The following ATG3 variants were observed in gnomAD, a reference collection of about 807,000 sequenced individuals.
The protein encoded by ATG3 is autophagy related 3.
ATG3 carries 25 observed loss-of-function variants against 50.7 expected under a neutral mutation model. That is an observed-to-expected ratio of 0.49 (90% CI 0.36 to 0.69). ATG3 has a LOEUF of 0.69. Among genes scored for constraint, ATG3 ranks in the 30% least tolerant of loss-of-function variants. The pLI, the probability that ATG3 is intolerant of heterozygous loss-of-function variation, is 0.00. For synonymous variants in ATG3, 119 were observed against 125.5 expected (o/e 0.95, Z 0.34); for missense variants, 281 against 376.0 (o/e 0.75, Z 2.09).
rs780523118 is a variant in ATG3 at position 112,532,667 on chromosome 3, C to T, written c.*32G>A. ...GGGTTAATTCTTTAAAAATCAGAAC[C>T]AATAATTAGGATAGATTTTATGCTC... On this transcript the variant is annotated 3_prime_UTR_variant, in exon 12 of 12. Transcript: ENST00000283290. The T allele has an allele frequency of 1.4e-6, 2 of 1,474,700 alleles. No homozygotes were observed. Among genetic ancestry groups the T allele is most frequent in the South Asian group, 2.6e-5 (2 of 75,976 alleles). 91.4% of individuals were successfully genotyped at this position (1,474,700 alleles called of 1,614,324 possible).
rs538136747 is a variant in ATG3 at position 112,561,014 on chromosome 3, C to G, written c.72+443G>C. ...GTCACAACTTCCCCACTACAGCGGA[C>G]TTTCATGAAACTTAAAGGAAAAGTG... On this transcript the variant is annotated intron_variant, in intron 1 of 11. Coordinates refer to ENST00000283290, the MANE Select transcript of ATG3 (RefSeq NM_022488.5). Among the ~76,000 whole-genome samples, 11 of 152,314 alleles carry G rather than the reference C, an allele frequency of 7.2e-5. No homozygotes were observed. In the South Asian group the frequency reaches 2.1e-3, roughly 29 times the overall value.
Position 112,533,265 on chromosome 3 carries a change from T to C in ATG3, c.864-485A>G. ...CTGAGCTCTACTGGACTGTCTTTAA[T>C]TAAATTCTGAAATTTTTTTATGTTC... On this transcript the variant is annotated intron_variant, in intron 11 of 11. Coordinates refer to ENST00000283290, the MANE Select transcript of ATG3 (RefSeq NM_022488.5). The C allele has an allele frequency of 3.0e-6, 3 of 984,960 alleles. No homozygotes were observed. In the South Asian group the frequency reaches 1.4e-4, roughly 46 times the overall value. 61.0% of individuals were successfully genotyped at this position (984,960 alleles called of 1,614,324 possible).
chr3:112,546,158 A>C (rs768810034), intron 5 of ATG3, among the ~76,000 whole-genome samples: 92 of 151,194 alleles, frequency 6.1e-4, no homozygotes, highest in African/African-American at 1.5e-3. Context: ...AAAAAACAAA[A>C]AACAACAACA....
chr3:112,551,546 A>T (rs1933529574), intron 3 of ATG3, among the ~76,000 whole-genome samples: 1 of 152,182 alleles, frequency 6.6e-6, no homozygotes, highest in Non-Finnish European at 1.5e-5. Flanking sequence ...ATGGAATAAA[A>T]CTACTAGTAC....
chr3:112,548,307 G>A (rs753645833), intron 5 of ATG3, among the ~76,000 whole-genome samples: 56 of 152,198 alleles, frequency 3.7e-4, no homozygotes, highest in Non-Finnish European at 7.4e-4. Flanking sequence ...AGCAAAGATC[G>A]CACTCCAGCC....
At chr3:112,556,870 C>T (rs1361287505) in intron 2 of ATG3, among the ~76,000 whole-genome samples, 3 of 151,876 alleles carry the variant, frequency 2.0e-5, no homozygotes, top group Non-Finnish European at 4.4e-5. Context: ...CCTCAAGTAC[C>T]CAGGGACACA....
intron 2 of ATG3, among the ~76,000 whole-genome samples, chr3:112,554,279 G>C (rs1933605114): frequency 6.6e-6 from 1 of 152,186 alleles, no homozygotes; most frequent in African/African-American, 2.4e-5. Context: ...TGAAGCAACT[G>C]AAGATCCACA....
Position 112,541,876 on chromosome 3 carries a change from T to C in ATG3, c.402A>G (p.Ile134Met), listed in dbSNP as rs1440552191. The C allele has an allele frequency of 6.2e-7, 1 of 1,609,040 alleles. No homozygotes were observed. Among genetic ancestry groups the C allele is most frequent in the African/African-American group, 1.3e-5 (1 of 74,788 alleles). ...ATAGTGCTGAGCAATCTTGAAGCCT[T>C]ATATTGTCCTTTGAAATTAATTATA... The part of the protein sequence containing the change: ...KEITLENKDN[I>M]RLQDCSALCE... Residue 134 changes from isoleucine (I) to methionine (M), a missense_variant, in exon 7 of 12, where the codon ATA (isoleucine) becomes ATG (methionine). By Grantham distance (10) the Ile-to-Met change is conservative. Coordinates refer to ENST00000283290, the MANE Select transcript of ATG3 (RefSeq NM_022488.5).
Position 112,561,835 on chromosome 3 carries a change from C to A in ATG3, c.-307G>T. 2.6e-6 allele frequency: 1 copy of A among 381,482 alleles called. No individual in the cohort carries two copies. Among genetic ancestry groups the A allele is most frequent in the Non-Finnish European group, 4.7e-6 (1 of 210,824 alleles). 23.6% of individuals were successfully genotyped at this position (381,482 alleles called of 1,614,324 possible). Reference sequence around the variant, plus strand: ...AGGGAGACCTGAGGTGAGAAGCGGACGCACACGCACCCCTCGCCCTCTGCG... The same window carrying A: ...AGGGAGACCTGAGGTGAGAAGCGGAAGCACACGCACCCCTCGCCCTCTGCG... On this transcript the variant is annotated 5_prime_UTR_variant, in exon 1 of 12. Coordinates refer to ENST00000283290, the MANE Select transcript of ATG3 (RefSeq NM_022488.5).
At chr3:112,559,410 T>C (rs990785163) in intron 1 of ATG3, among the ~76,000 whole-genome samples, 2 of 152,240 alleles carry the variant, frequency 1.3e-5, no homozygotes, top group African/African-American at 2.4e-5. Flanking sequence ...GTGGGGATAT[T>C]TGGGGGTGAA....
In ATG3 at chr3:112,550,329, T is replaced by C. The variant is rs759945890; in HGVS notation, c.165-67A>G. 5.6e-5 allele frequency: 69 copies of C among 1,230,506 alleles called. 1 individual carries two copies. Among genetic ancestry groups the C allele is most frequent in the Non-Finnish European group, 7.6e-5 (65 of 858,434 alleles). 76.2% of individuals were successfully genotyped at this position (1,230,506 alleles called of 1,614,324 possible). On this transcript the variant is annotated intron_variant, in intron 3 of 11. Transcript: ENST00000283290. ...TAATAGGCAAATATACAGCAGAAAG[T>C]ATTGCATATAAATCTCAAAATGATA...
intron 7 of ATG3, 68 bp from the exon 8 acceptor site, chr3:112,538,248 G>A (rs1576714818): frequency 8.1e-7 from 1 of 1,234,136 alleles, no homozygotes; most frequent in African/African-American, 1.6e-5. Flanking sequence ...ACCAATTTAA[G>A]TATTACTTCA....
At position 112,561,523 on chromosome 3, in the gene ATG3, C is replaced by T. The variant is rs375873128; in HGVS notation, c.6G>A (p.Gln2=). The T allele has an allele frequency of 1.3e-4, 215 of 1,610,594 alleles. 2 individuals carry two copies. The South Asian group carries it at 2.3e-3, about 17-fold the overall frequency. The change falls in exon 1 of 12, where the codon CAG becomes CAA. Residue 2 remains glutamine (Q), a synonymous_variant. Transcript: ENST00000283290. ...TTCCCTTCACAGTATTAATCACATTCTGCATCCTGGGGCCGGAGTAGCGGC... is the reference window on the plus strand; with the variant it reads ...TTCCCTTCACAGTATTAATCACATTTTGCATCCTGGGGCCGGAGTAGCGGC... M[Q]NVINTVKGKA... is the part of the protein sequence containing the mutation.
chr3:112,532,555 A>C lies in ATG3; in HGVS notation c.*144T>G. On this transcript the variant is annotated 3_prime_UTR_variant, in exon 12 of 12. Coordinates refer to ENST00000283290, the MANE Select transcript of ATG3 (RefSeq NM_022488.5). ...TTAAACAAGTAAGGCTGGTAGTGGA[A>C]CATATTTTTATTTAATGCATAAACA... The C allele has an allele frequency of 2.0e-6, 1 of 496,292 alleles. No homozygotes were observed. The highest frequency in any genetic ancestry group is 3.2e-6 in the Non-Finnish European group (1 of 309,766). 30.7% of individuals were successfully genotyped at this position (496,292 alleles called of 1,614,324 possible).
rs1933744626 is a variant in ATG3, at chr3:112,558,368, G to C, written c.114+8C>G. ...ATAAAAAGACTTCAGTATATCTTCA[G>C]CACTCACCTCTTCTGGGGTAATTAC... On this transcript the variant is annotated splice_region_variant and intron_variant, in intron 2 of 11. Coordinates refer to ENST00000283290, the MANE Select transcript of ATG3 (RefSeq NM_022488.5). The C allele has an allele frequency of 6.2e-7, 1 of 1,601,624 alleles. No homozygotes were observed. Among genetic ancestry groups the C allele is most frequent in the Admixed American group, 1.7e-5 (1 of 59,548 alleles).
chr3:112,533,189 A>C, intron 11 of ATG3: 1 of 986,442 alleles, frequency 1.0e-6, no homozygotes, highest in South Asian at 4.7e-5. Flanking sequence ...AATTAAATAA[A>C]AATCCTGTAT....
Position 112,537,856 on chromosome 3 carries a change from C to G in ATG3, c.545G>C (p.Cys182Ser). The G allele has an allele frequency of 6.2e-7, 1 of 1,611,648 alleles. No homozygotes were observed. Among genetic ancestry groups the G allele is most frequent in the African/African-American group, 1.3e-5 (1 of 74,902 alleles). The change falls in exon 9 of 12, where the codon TGT (cysteine) becomes TCT (serine). Residue 182 changes from cysteine (C) to serine (S), a missense_variant. Cys to Ser is a moderately radical substitution (Grantham distance 112, BLOSUM62 -1). This residue lies in a region of ATG3 where 242 missense variants were observed against 305.0 expected (regional missense o/e 0.79). Coordinates refer to ENST00000283290, the MANE Select transcript of ATG3 (RefSeq NM_022488.5). ...TLDTRKIVEA[C>S]KAKTDAGGED... ...ACCGCCAGCATCAGTTTTGGCTTTA[C>G]AAGCTTCTACTATTTTCCTTGTATC...
rs1933321677 is a variant in ATG3 at position 112,544,602 on chromosome 3, C to T, written c.344-496G>A. ...CCGGAAGGTGGAGGTTGCAATGAGC[C>T]GAAATCGCACCATTGCACTCCAGCC... On this transcript the variant is annotated intron_variant, in intron 5 of 11. Transcript: ENST00000283290. Among the ~76,000 whole-genome samples, 3 of 127,366 alleles carry T rather than the reference C, an allele frequency of 2.4e-5. No individual in the cohort carries two copies. The South Asian group carries it at 8.0e-4, about 34-fold the overall frequency. 83.6% of individuals were successfully genotyped at this position (127,366 alleles called of 152,430 possible). A position where few individuals can be genotyped will look rare whatever the true frequency, so the allele number is the denominator to read the frequency against.
intron 7 of ATG3, among the ~76,000 whole-genome samples, chr3:112,539,903 CG>C (rs1933181452): frequency 6.6e-6 from 1 of 152,154 alleles, no homozygotes; most frequent in Non-Finnish European, 1.5e-5. Context: ...GTGCTTTACT[CG>C]AAGGGTTCTA....
Sources: gnomAD v4.1 joint callset for allele counts (sites outside exome capture counted in the v4.1 genomes callset) on GRCh38, gnomAD v4.1.1 for gene constraint, gnomAD v4.1.1 regional missense constraint, MANE v1.5 for transcripts, NCBI Gene and HGNC (gene_info 2026-07-23, HGNC 2026-07-21) for gene names.